LINGO2: variants seen among roughly 807,000 people sequenced by gnomAD.
The protein encoded by LINGO2 is leucine-rich repeat and immunoglobulin-like domain-containing nogo receptor-interacting protein 2.
In LINGO2, 14 loss-of-function variants were observed where a neutral mutation model predicts 30.6. That is an observed-to-expected ratio of 0.46 (90% CI 0.30 to 0.72). The LOEUF is 0.72. Ranked by LOEUF, LINGO2 falls within the 30% of genes least tolerant of loss-of-function variation. The pLI is 0.07. For missense variants in LINGO2, 729 were observed against 751.7 expected (o/e 0.97, Z 0.35); for synonymous variants, 317 against 288.5 (o/e 1.10, Z -1.00).
chr9:28,233,841 A>T (rs1274505583), intron 4 of LINGO2, among the ~76,000 whole-genome samples: 1 of 152,132 alleles, frequency 6.6e-6, no homozygotes, highest in Non-Finnish European at 1.5e-5. Flanking sequence ...CTGGGCAAAA[A>T]GGGATCCTGT....
At chr9:29,158,201 A>AG in the LINGO2 span, among the ~76,000 whole-genome samples, 1 of 151,494 alleles carries the variant, frequency 6.6e-6, no homozygotes, top group East Asian at 1.9e-4. Context: ...AAACAAAAAA[A>AG]AAACAAATGG....
intron 1 of LINGO2, among the ~76,000 whole-genome samples, chr9:28,597,302 C>T (rs186842724): frequency 1.3e-3 from 200 of 152,290 alleles, no homozygotes; most frequent in Admixed American, 6.2e-3. Context: ...TCAAAATCAA[C>T]TGCACTTCTT....
At chr9:28,268,315 A>G (rs1361310476) in intron 4 of LINGO2, among the ~76,000 whole-genome samples, 1 of 152,064 alleles carries the variant, frequency 6.6e-6, no homozygotes, top group Non-Finnish European at 1.5e-5. Context: ...GAAGAGTACC[A>G]CAGTCTGTGA....
intron 4 of LINGO2, among the ~76,000 whole-genome samples, chr9:28,046,924 C>T (rs1316555625): frequency 2.0e-5 from 3 of 152,038 alleles, no homozygotes; most frequent in South Asian, 2.1e-4. Context: ...TGTGGAAACG[C>T]GTTCTGGGTA....
the LINGO2 span, among the ~76,000 whole-genome samples, chr9:28,838,504 T>C: frequency 6.6e-6 from 1 of 152,168 alleles, no homozygotes; most frequent in African/African-American, 2.4e-5. Flanking sequence ...TCCAAATATG[T>C]CCCAAAACCA....
At chr9:29,213,082 A>T in the LINGO2 span, among the ~76,000 whole-genome samples, 1 of 152,000 alleles carries the variant, frequency 6.6e-6, no homozygotes, top group African/African-American at 2.4e-5. Context: ...AGCCCTCACC[A>T]TAGAGGCGCC....
At chr9:29,048,172 C>T in the LINGO2 span, among the ~76,000 whole-genome samples, 3 of 151,276 alleles carry the variant, frequency 2.0e-5, no homozygotes, top group East Asian at 5.8e-4. Context: ...TATATGCCAA[C>T]AATGAAAAAT....
chr9:28,094,048 A>T (rs2133279598), intron 4 of LINGO2, among the ~76,000 whole-genome samples: 1 of 152,224 alleles, frequency 6.6e-6, no homozygotes, highest in East Asian at 1.9e-4. Flanking sequence ...AATAAATGTG[A>T]TCTGAACAAT....
intron 1 of LINGO2, among the ~76,000 whole-genome samples, chr9:28,556,034 A>G (rs1265384122): frequency 3.9e-5 from 6 of 152,112 alleles, no homozygotes; most frequent in Non-Finnish European, 8.8e-5. Flanking sequence ...CCGACAGCCA[A>G]TATCATACTG....
At chr9:28,865,261 C>T in the LINGO2 span, among the ~76,000 whole-genome samples, 5 of 151,980 alleles carry the variant, frequency 3.3e-5, no homozygotes, top group African/African-American at 1.2e-4. Flanking sequence ...GCAGCAGGGA[C>T]AGAAAAATTT....
chr9:28,490,785 T>G (rs968475867), intron 1 of LINGO2, among the ~76,000 whole-genome samples: 1 of 152,158 alleles, frequency 6.6e-6, no homozygotes, highest in Non-Finnish European at 1.5e-5. Context: ...TTCTAAAGGG[T>G]AGTTTTTCGT....
intron 1 of LINGO2, among the ~76,000 whole-genome samples, chr9:28,668,547 TA>T (rs150489088): frequency 1.4e-4 from 20 of 147,352 alleles, no homozygotes; most frequent in Non-Finnish European, 1.5e-4. Flanking sequence ...TTTCAGCTGA[TA>T]AAAAAAAAAC....
At chr9:29,142,949 G>A in the LINGO2 span, among the ~76,000 whole-genome samples, 12 of 151,890 alleles carry the variant, frequency 7.9e-5, no homozygotes, top group South Asian at 8.3e-4. Flanking sequence ...ACTCAGCAAA[G>A]TGGCAAGATA....
At position 27,966,738 on chromosome 9, in the gene LINGO2, T is replaced by TA. The variant is rs931976556; in HGVS notation, c.-35-16033dup. On this transcript the variant is annotated intron_variant, in intron 5 of 5. Transcript: ENST00000379992. Reference sequence around the variant, plus strand: ...CGTATCCCAGAATTTACAGTAAAATTAAAAAAAGAAAAAAAATAAATATGC... The same window carrying TA: ...CGTATCCCAGAATTTACAGTAAAATTAAAAAAAAGAAAAAAAATAAATATGC... Among the ~76,000 whole-genome samples the TA allele has an allele frequency of 1.6e-3, 248 of 151,568 alleles. 1 individual carries two copies. The highest frequency in any genetic ancestry group is 5.6e-3 in the African/African-American group (230 of 41,204).
intron 2 of LINGO2, among the ~76,000 whole-genome samples, chr9:28,406,943 C>G (rs1822538662): frequency 6.6e-6 from 1 of 152,148 alleles, no homozygotes; most frequent in Admixed American, 6.6e-5. Context: ...AAGATAACCA[C>G]CAGCAAAAAT....
At chr9:28,817,846 G>GT in the LINGO2 span, among the ~76,000 whole-genome samples, 9 of 152,154 alleles carry the variant, frequency 5.9e-5, no homozygotes, top group Admixed American at 1.3e-4. Context: ...TTGGATTTCT[G>GT]TTTTTTTGGT....
At chr9:28,037,500 A>C (rs1179090618) in intron 4 of LINGO2, among the ~76,000 whole-genome samples, 2 of 152,140 alleles carry the variant, frequency 1.3e-5, no homozygotes, top group African/African-American at 4.8e-5. Flanking sequence ...AGAGCTCCTC[A>C]ACAGTCTTAA....
At chr9:28,535,871 G>T (rs1821419078) in intron 1 of LINGO2, among the ~76,000 whole-genome samples, 1 of 152,144 alleles carries the variant, frequency 6.6e-6, no homozygotes, top group East Asian at 1.9e-4. Flanking sequence ...CGTTTCAGAG[G>T]AGGATTTAAA....
At chr9:28,172,970 C>T (rs1158486973) in intron 4 of LINGO2, among the ~76,000 whole-genome samples, 2 of 152,154 alleles carry the variant, frequency 1.3e-5, no homozygotes, top group South Asian at 2.1e-4. Flanking sequence ...TAATTACAAA[C>T]TTGTTGAAAC....
Sources: allele counts gnomAD v4.1 joint callset (sites outside exome capture counted in the v4.1 genomes callset), GRCh38; gene constraint gnomAD v4.1.1; transcripts MANE v1.5; gene names NCBI Gene and HGNC (gene_info 2026-07-23, HGNC 2026-07-21).